ENOX2: variants seen among roughly 807,000 people sequenced by gnomAD.
The protein encoded by ENOX2 is ecto-NOX disulfide-thiol exchanger 2, also known as APK1 antigen.
Under a neutral mutation model 45.0 loss-of-function variants are expected in ENOX2, and 36 were observed. The observed-to-expected ratio is 0.80, with a 90% confidence interval of 0.61 to 1.06. ENOX2 has a LOEUF of 1.06. ENOX2 is among the 50% of genes least tolerant of loss of function. The probability of loss-of-function intolerance (pLI) is 0.00; values close to 1 mark genes in which losing one functional copy is unlikely to be tolerated. For synonymous variants in ENOX2, 174 were observed against 152.3 expected (o/e 1.14, Z -1.05); for missense variants, 423 against 462.5 (o/e 0.91, Z 0.78).
chrX:130,813,319 C>T (rs140198031), intron 2 of ENOX2, among the ~76,000 whole-genome samples: 1,755 of 112,107 alleles, frequency 0.016, 44 homozygotes, highest in African/African-American at 0.053. Flanking sequence ...CTGGGAAAAC[C>T]GTATATGCAC....
At chrX:130,672,521 G>T (rs2037016485) in intron 6 of ENOX2, among the ~76,000 whole-genome samples, 1 of 112,656 alleles carries the variant, frequency 8.9e-6, no homozygotes, top group Non-Finnish European at 1.9e-5. Flanking sequence ...CAAGCAGCCG[G>T]CACCCCCACA....
intron 2 of ENOX2, among the ~76,000 whole-genome samples, chrX:130,810,861 A>T (rs995663905): frequency 3.6e-5 from 4 of 111,925 alleles, no homozygotes; most frequent in Non-Finnish European, 7.6e-5. Context: ...CCACGTTGCA[A>T]ACCATCTCCA....
chrX:130,737,964 G>A (rs1023304163), intron 3 of ENOX2, among the ~76,000 whole-genome samples: 25 of 112,195 alleles, frequency 2.2e-4, no homozygotes, highest in African/African-American at 6.8e-4. Flanking sequence ...GAGAGGACCA[G>A]AGAAGGAGCA....
chrX:130,831,517 G>T (rs1362760697), intron 2 of ENOX2, among the ~76,000 whole-genome samples: 1 of 110,757 alleles, frequency 9.0e-6, no homozygotes, highest in African/African-American at 3.3e-5. Flanking sequence ...GGCCTTCCCT[G>T]TGTTCCCGCA....
chrX:130,632,431 A>G (rs2035794604), intron 12 of ENOX2, among the ~76,000 whole-genome samples: 1 of 106,679 alleles, frequency 9.4e-6, no homozygotes, highest in Non-Finnish European at 1.9e-5. Context: ...ACTGAAAAAT[A>G]CCTCCAGACC....
Position 130,623,552 on chromosome X carries a change from C to G in ENOX2, c.*1762G>C, listed in dbSNP as rs746204198. 9.0e-6 allele frequency: 1 copy of G among 111,420 alleles called. No individual in the cohort carries two copies. The highest frequency in any genetic ancestry group is 2.8e-4 in the East Asian group (1 of 3,574). The allele number at this position is 111,420 out of a possible 1,213,427, so 9.2% of individuals were successfully genotyped here. On this transcript the variant is annotated 3_prime_UTR_variant, in exon 15 of 15. Transcript: ENST00000394363. ...TAAAAATTAATTTAGTTTATTTAAA[C>G]AAGAAATAACTGTAAATGGAAAGTT...
chrX:130,679,706 T>G lies in ENOX2; in HGVS notation c.296A>C (p.Lys99Thr). 6 of 1,211,672 alleles carry G rather than the reference T, an allele frequency of 5.0e-6. No homozygotes were observed. In the South Asian group the frequency reaches 1.1e-4, roughly 21 times the overall value. ...PATRERPPGCKTVFVGGLPEN... is the reference protein window; with the variant it reads ...PATRERPPGCTTVFVGGLPEN... ...AGGCAGACCACCCACAAATACTGTT[T>G]TGCATCCTGGTGGTCTTTCTCGGGT... The change falls in exon 6 of 15, where the codon AAA becomes ACA. Residue 99 changes from lysine (K) to threonine (T), a missense_variant. Physicochemically the swap from Lys to Thr is moderately conservative, Grantham distance 78 (BLOSUM62 -1). Around this residue, in one of 5 missense-constraint regions of ENOX2, gnomAD observed 261 missense variants for 306.8 expected, o/e 0.85. Coordinates refer to ENST00000394363, the MANE Select transcript of ENOX2 (RefSeq NM_006375.4).
intron 2 of ENOX2, among the ~76,000 whole-genome samples, chrX:130,799,778 A>G (rs1265955901): frequency 9.0e-6 from 1 of 111,666 alleles, no homozygotes; most frequent in Non-Finnish European, 1.9e-5. Context: ...GAGCAGGGAG[A>G]ACAGGGAGAG....
At chrX:130,856,335 T>C (rs1464342204) in intron 2 of ENOX2, among the ~76,000 whole-genome samples, 6 of 112,269 alleles carry the variant, frequency 5.3e-5, no homozygotes, top group Non-Finnish European at 1.1e-4. Context: ...ACTACAATGG[T>C]GGAATGGCTT....
intron 1 of ENOX2, among the ~76,000 whole-genome samples, chrX:130,902,302 G>A (rs2079156371): frequency 1.8e-5 from 2 of 111,538 alleles, no homozygotes; most frequent in Non-Finnish European, 3.8e-5. Context: ...AACCCCTAAA[G>A]CGCTGGATTT....
intron 10 of ENOX2, among the ~76,000 whole-genome samples, chrX:130,644,952 T>C (rs958799495): frequency 9.0e-6 from 1 of 111,632 alleles, no homozygotes; most frequent in Admixed American, 9.5e-5. Context: ...TTATAATCAA[T>C]TGTAACAAAA....
intron 2 of ENOX2, among the ~76,000 whole-genome samples, chrX:130,850,095 A>G (rs2078180220): frequency 8.9e-6 from 1 of 112,145 alleles, no homozygotes. Flanking sequence ...TACATCTTCA[A>G]TAGCCTTTAT....
intron 2 of ENOX2, among the ~76,000 whole-genome samples, chrX:130,809,348 T>C (rs1176546671): frequency 8.9e-6 from 1 of 112,249 alleles, no homozygotes; most frequent in Non-Finnish European, 1.9e-5. Context: ...TATAACACTG[T>C]CATGAAGAAA....
At chrX:130,653,132 A>G (rs753042222) in intron 10 of ENOX2, among the ~76,000 whole-genome samples, 140 of 111,553 alleles carry the variant, frequency 1.3e-3, no homozygotes, top group South Asian at 0.011. Flanking sequence ...AGACTTAGGT[A>G]TATTCCTCGA....
intron 2 of ENOX2, among the ~76,000 whole-genome samples, chrX:130,824,176 AT>A (rs1191292149): frequency 8.9e-6 from 1 of 111,828 alleles, no homozygotes; most frequent in Admixed American, 9.5e-5. Flanking sequence ...AATATACCGA[AT>A]TATTTACCTA....
intron 10 of ENOX2, among the ~76,000 whole-genome samples, chrX:130,651,665 T>C (rs2036403944): frequency 8.9e-6 from 1 of 112,063 alleles, no homozygotes; most frequent in African/African-American, 3.2e-5. Context: ...CACCTCTCAC[T>C]GATTTCTTCC....
chrX:130,631,327 C>G (rs1478899942), intron 13 of ENOX2, 141 bp downstream of exon 13: 2 of 462,983 alleles, frequency 4.3e-6, no homozygotes, highest in African/African-American at 4.8e-5. Flanking sequence ...TGTTCTTAAC[C>G]TATCATCTTC....
chrX:130,623,025 G>T lies in ENOX2; in HGVS notation c.*2289C>A, dbSNP rs1004815804. On this transcript the variant is annotated 3_prime_UTR_variant, in exon 15 of 15. Transcript: ENST00000394363. ...TTAAGGCCTTCAGCTGATCAGATGA[G>T]GTCCACCCACATTATAATGGGTAAT... 3.6e-5 allele frequency among the ~76,000 whole-genome samples: 4 copies of T among 111,196 alleles called. No homozygotes were observed. Among genetic ancestry groups the T allele is most frequent in the Non-Finnish European group, 5.6e-5 (3 of 53,112 alleles).
intron 8 of ENOX2, 28 bp from the exon 9 acceptor site, chrX:130,665,777 A>T: frequency 1.1e-6 from 1 of 929,194 alleles, no homozygotes; most frequent in Non-Finnish European, 1.5e-6. Flanking sequence ...CAGTTGGATC[A>T]GGCCAGGGTA....
Sources: allele counts gnomAD v4.1 joint callset (sites outside exome capture counted in the v4.1 genomes callset), GRCh38; gene constraint gnomAD v4.1.1; regional missense constraint gnomAD v4.1.1; transcripts MANE v1.5; gene names NCBI Gene and HGNC (gene_info 2026-07-23, HGNC 2026-07-21).